The following PTPRD variants were observed in gnomAD, a reference collection of about 807,000 sequenced individuals.
PTPRD encodes the protein protein tyrosine phosphatase receptor type D, also known as receptor-type tyrosine-protein phosphatase delta.
A neutral mutation model predicts 214.5 loss-of-function variants in PTPRD; 34 were observed. That is an observed-to-expected ratio of 0.16 (90% CI 0.12 to 0.21). PTPRD has a LOEUF of 0.21. PTPRD is among the 10% of genes least tolerant of loss of function. The probability of loss-of-function intolerance (pLI) is 1.00; values close to 1 mark genes in which losing one functional copy is unlikely to be tolerated. For missense variants in PTPRD, 2,545 were observed against 2,398.7 expected (o/e 1.06, Z -1.27); for synonymous variants, 1,128 against 845.7 (o/e 1.33, Z -5.79).
At position 8,539,867 on chromosome 9, in the gene PTPRD, G is replaced by A. The variant is rs188076923; in HGVS notation, c.353-11088C>T. On this transcript the variant is annotated intron_variant, in intron 14 of 45. Coordinates refer to ENST00000381196, the MANE Select transcript of PTPRD (RefSeq NM_002839.4). ...CCTCTGTGGAAAATTATAAAAACTTGAATGGCGATAACTGGTGAAACACAA... is the reference window on the plus strand; with the variant it reads ...CCTCTGTGGAAAATTATAAAAACTTAAATGGCGATAACTGGTGAAACACAA... Among the ~76,000 whole-genome samples the A allele has an allele frequency of 4.4e-3, 670 of 152,202 alleles. 2 individuals carry two copies. The highest frequency in any genetic ancestry group is 0.011 in the African/African-American group (458 of 41,554).
chr9:10,346,139 G>A (rs1180329182), intron 2 of PTPRD, among the ~76,000 whole-genome samples: 1 of 152,190 alleles, frequency 6.6e-6, no homozygotes. Flanking sequence ...AGGATTCTAA[G>A]CTCAAAATGC....
chr9:8,590,359 A>G (rs1330612021), intron 14 of PTPRD, among the ~76,000 whole-genome samples: 1 of 152,182 alleles, frequency 6.6e-6, no homozygotes, highest in African/African-American at 2.4e-5. Flanking sequence ...AAGGTATTTT[A>G]TTTGGAGAAC....
intron 5 of PTPRD, among the ~76,000 whole-genome samples, chr9:9,848,294 A>C (rs911614771): frequency 1.3e-5 from 2 of 152,084 alleles, no homozygotes; most frequent in Non-Finnish European, 2.9e-5. Flanking sequence ...CCTTAATGCT[A>C]TATCTTAGCT....
At chr9:8,490,728 G>A (rs773565926) in intron 27 of PTPRD, among the ~76,000 whole-genome samples, 2 of 152,076 alleles carry the variant, frequency 1.3e-5, no homozygotes, top group African/African-American at 2.4e-5. Flanking sequence ...GCATCCTTGA[G>A]GTTATATGAA....
At position 9,928,418 on chromosome 9, in the gene PTPRD, G is replaced by C. The variant is rs552639618; in HGVS notation, c.-368+10089C>G. ...CCTTTGTTATCAAAGGACAGAGAGA[G>C]CACCTTAAAAACTATTGAACAATGC... On this transcript the variant is annotated intron_variant, in intron 5 of 45. Transcript: ENST00000381196. Among the ~76,000 whole-genome samples, 101 of 152,214 alleles carry C rather than the reference G, an allele frequency of 6.6e-4. 3 individuals carry two copies. In the South Asian group the frequency reaches 0.02, roughly 30 times the overall value.
intron 3 of PTPRD, among the ~76,000 whole-genome samples, chr9:10,072,452 G>A (rs577944795): frequency 2.6e-5 from 4 of 152,128 alleles, no homozygotes; most frequent in African/African-American, 9.6e-5. Flanking sequence ...AAGATGGCAC[G>A]AACCCAAAGA....
At chr9:10,596,734 T>G (rs2076708997) in intron 2 of PTPRD, among the ~76,000 whole-genome samples, 1 of 151,560 alleles carries the variant, frequency 6.6e-6, no homozygotes, top group Admixed American at 6.6e-5. Flanking sequence ...GAGAAGAAAT[T>G]TACTTTGTCA....
intron 39 of PTPRD, among the ~76,000 whole-genome samples, chr9:8,367,919 G>A (rs1312461117): frequency 6.6e-6 from 1 of 152,044 alleles, no homozygotes; most frequent in Non-Finnish European, 1.5e-5. Flanking sequence ...TTATCCCCAC[G>A]TTACTGATCA....
chr9:10,403,084 G>A (rs2098297655), intron 2 of PTPRD, among the ~76,000 whole-genome samples: 1 of 150,988 alleles, frequency 6.6e-6, no homozygotes, highest in Non-Finnish European at 1.5e-5. Flanking sequence ...AATATGTATT[G>A]CCATAGATTA....
chr9:8,388,330 T>G (rs1034711243), intron 37 of PTPRD, among the ~76,000 whole-genome samples: 3 of 152,220 alleles, frequency 2.0e-5, no homozygotes, highest in South Asian at 4.1e-4. Flanking sequence ...AATATCCTTT[T>G]TGAGACTACT....
At chr9:9,607,610 G>A (rs1031040679) in intron 7 of PTPRD, among the ~76,000 whole-genome samples, 1 of 152,076 alleles carries the variant, frequency 6.6e-6, no homozygotes, top group Non-Finnish European at 1.5e-5. Context: ...ATGTGAATTT[G>A]AAACGCCTGA....
intron 5 of PTPRD, among the ~76,000 whole-genome samples, chr9:9,938,004 A>G (rs2090169892): frequency 6.6e-6 from 1 of 152,142 alleles, no homozygotes; most frequent in African/African-American, 2.4e-5. Context: ...AAGACTGGTA[A>G]TCGAGGAGTC....
intron 4 of PTPRD, among the ~76,000 whole-genome samples, chr9:9,948,836 G>C (rs944440718): frequency 6.6e-6 from 1 of 151,984 alleles, no homozygotes; most frequent in South Asian, 2.1e-4. Context: ...ATTGAGTAGA[G>C]ACAAATTTTA....
chr9:9,964,545 C>T lies in PTPRD; in HGVS notation c.-471-25935G>A, dbSNP rs1030810144. On this transcript the variant is annotated intron_variant, in intron 4 of 45. Coordinates refer to ENST00000381196, the MANE Select transcript of PTPRD (RefSeq NM_002839.4). The stretch of plus-strand genomic sequence containing the variant: ...TACCTTAATTATGACTCAGTGGAAA[C>T]GGGAGGAAATCCTCTTGACGTGGGT... Among the ~76,000 whole-genome samples the T allele has an allele frequency of 6.6e-5, 10 of 152,234 alleles. 1 individual carries two copies. Among genetic ancestry groups the T allele is most frequent in the South Asian group, 6.2e-4 (3 of 4,822 alleles).
intron 10 of PTPRD, among the ~76,000 whole-genome samples, chr9:9,089,736 G>C (rs1197243059): frequency 6.6e-6 from 1 of 152,102 alleles, no homozygotes; most frequent in East Asian, 1.9e-4. Flanking sequence ...GTGTAGAAGG[G>C]TAATGTCAAC....
At chr9:9,709,807 T>C (rs1303516272) in intron 7 of PTPRD, among the ~76,000 whole-genome samples, 2 of 152,118 alleles carry the variant, frequency 1.3e-5, no homozygotes, top group Non-Finnish European at 2.9e-5. Flanking sequence ...AATCATATTT[T>C]GTAAATTTAG....
At chr9:9,947,535 ATATATAATATATATATTAT>A (rs2092888015) in intron 4 of PTPRD, among the ~76,000 whole-genome samples, 1 of 27,862 alleles carries the variant, frequency 3.6e-5, no homozygotes, top group Non-Finnish European at 5.4e-5. Flanking sequence ...TATATATTTT[ATATATAATATATATATTAT>A]ATATATATTT....
chr9:9,514,920 A>AT (rs1386388985), intron 8 of PTPRD, among the ~76,000 whole-genome samples: 1 of 152,082 alleles, frequency 6.6e-6, no homozygotes, highest in Non-Finnish European at 1.5e-5. Flanking sequence ...ACAAATACTT[A>AT]TTTGTAAAGT....
At chr9:9,137,431 T>C (rs944409279) in intron 10 of PTPRD, among the ~76,000 whole-genome samples, 6 of 152,124 alleles carry the variant, frequency 3.9e-5, no homozygotes, top group Admixed American at 3.9e-4. Flanking sequence ...GCAAACTTTG[T>C]CAAGAAGCTT....
Sources: gnomAD v4.1 joint callset for allele counts (sites outside exome capture counted in the v4.1 genomes callset) on GRCh38, gnomAD v4.1.1 for gene constraint, MANE v1.5 for transcripts, NCBI Gene and HGNC (gene_info 2026-07-23, HGNC 2026-07-21) for gene names.